TOX2: variants seen among roughly 807,000 people sequenced by gnomAD.
The protein encoded by TOX2 is granulosa cell HMG box 1.
Under a neutral mutation model 47.4 loss-of-function variants are expected in TOX2, and 15 were observed. The ratio of observed to expected loss-of-function variants is 0.32; its 90% CI spans 0.21 to 0.49. TOX2 has a LOEUF of 0.49. Among genes scored for constraint, TOX2 ranks in the 20% least tolerant of loss-of-function variants. The probability of loss-of-function intolerance (pLI) is 0.99; values close to 1 mark genes in which losing one functional copy is unlikely to be tolerated. For synonymous variants in TOX2, 290 were observed against 296.6 expected (o/e 0.98, Z 0.23); for missense variants, 622 against 673.1 (o/e 0.92, Z 0.84).
chr20:44,068,887 A>G lies in TOX2; in HGVS notation c.*201A>G. On this transcript the variant is annotated 3_prime_UTR_variant, in exon 9 of 9. Coordinates refer to ENST00000341197, the MANE Select transcript of TOX2 (RefSeq NM_001098797.2). ...GCAGCCCACTGCCCACCACCAGCCC[A>G]AAGAACCTGCAGGAACCTTCCGCCC... The G allele has an allele frequency of 1.3e-6, 1 of 764,274 alleles. No homozygotes were observed. The highest frequency in any genetic ancestry group is 2.3e-6 in the Non-Finnish European group (1 of 432,356). The allele number at this position is 764,274 out of a possible 1,614,324, so 47.3% of individuals were successfully genotyped here.
At chr20:44,054,644 C>G in intron 5 of TOX2, 118 bp downstream of exon 5, 6 of 1,101,422 alleles carry the variant, frequency 5.4e-6, no homozygotes, top group Non-Finnish European at 8.0e-6. Context: ...TTACAGAGGT[C>G]TTTCCTGGGC....
chr20:44,066,959 G>A, intron 8 of TOX2, 102 bp downstream of exon 8: 1 of 1,481,340 alleles, frequency 6.8e-7, no homozygotes, highest in African/African-American at 1.4e-5. Context: ...GGACAGGGGA[G>A]GACCCTGCAG....
intron 3 of TOX2, among the ~76,000 whole-genome samples, chr20:44,029,849 G>A (rs1280318793): frequency 6.6e-6 from 1 of 152,092 alleles, no homozygotes; most frequent in African/African-American, 2.4e-5. Context: ...GCCTCCCTGT[G>A]ACTATAAAAC....
chr20:44,029,268 C>T (rs2071112072), intron 3 of TOX2, among the ~76,000 whole-genome samples: 1 of 152,222 alleles, frequency 6.6e-6, no homozygotes, highest in Non-Finnish European at 1.5e-5. Flanking sequence ...TTAGTCAAAA[C>T]AAGACGGATA....
intron 1 of TOX2, among the ~76,000 whole-genome samples, chr20:43,966,964 AACACC>A (rs1432847545): frequency 2.4e-4 from 1 of 4,126 alleles, no homozygotes; most frequent in Non-Finnish European, 5.4e-4. Flanking sequence ...CGGACCCACC[AACACC>A]AACATGGGTT....
intron 1 of TOX2, among the ~76,000 whole-genome samples, chr20:43,922,725 G>A (rs1315209616): frequency 6.6e-6 from 1 of 152,178 alleles, no homozygotes; most frequent in African/African-American, 2.4e-5. Flanking sequence ...AAAACTTGCT[G>A]CCGTACAGTT....
chr20:44,015,507 C>T (rs182731159), intron 3 of TOX2, among the ~76,000 whole-genome samples: 38 of 152,282 alleles, frequency 2.5e-4, no homozygotes, highest in African/African-American at 7.9e-4. Context: ...TTCTGGTACT[C>T]GGCTGCAAAA....
intron 3 of TOX2, among the ~76,000 whole-genome samples, chr20:44,039,560 G>A (rs2071299308): frequency 6.6e-6 from 1 of 152,144 alleles, no homozygotes; most frequent in Non-Finnish European, 1.5e-5. Flanking sequence ...ACAAAGGTTT[G>A]GGTGCAAGTA....
At chr20:44,031,412 A>G (rs2071149307) in intron 3 of TOX2, among the ~76,000 whole-genome samples, 1 of 152,184 alleles carries the variant, frequency 6.6e-6, no homozygotes, top group South Asian at 2.1e-4. Flanking sequence ...GGGTGAGCGC[A>G]TTAGTAGCAT....
rs1020635611 is a variant in TOX2, at chr20:44,025,371, G to T, written c.411+18579G>T. 3.5e-4 allele frequency among the ~76,000 whole-genome samples: 52 copies of T among 150,208 alleles called. 1 individual carries two copies. Among genetic ancestry groups the T allele is most frequent in the Non-Finnish European group, 6.5e-4 (44 of 67,696 alleles). On this transcript the variant is annotated intron_variant, in intron 3 of 8. Transcript: ENST00000341197. ...CATTCGTCGTTGGCCAGAGATTGGG[G>T]GATGGAGTGACCTCCTGGGGCTGCA...
At position 44,068,909 on chromosome 20, in the gene TOX2, GC is replaced by G; in HGVS notation, c.*226del. ...CCCAAAGAACCTGCAGGAACCTTCC[GC>G]CCGCTGACCTGCTTGCTCCAGGGTA... On this transcript the variant is annotated 3_prime_UTR_variant, in exon 9 of 9. Transcript: ENST00000341197. 1.4e-6 allele frequency: 1 copy of G among 703,218 alleles called. No homozygotes were observed. The allele number at this position is 703,218 out of a possible 1,614,324, so 43.6% of individuals were successfully genotyped here.
At chr20:43,950,156 T>C (rs1303481144) in intron 1 of TOX2, among the ~76,000 whole-genome samples, 1 of 152,164 alleles carries the variant, frequency 6.6e-6, no homozygotes, top group African/African-American at 2.4e-5. Flanking sequence ...ACATCTGCTC[T>C]GAGCAGAGCA....
chr20:43,977,100 A>C (rs184701465), intron 2 of TOX2, among the ~76,000 whole-genome samples: 2 of 152,326 alleles, frequency 1.3e-5, no homozygotes, highest in East Asian at 3.9e-4. Flanking sequence ...CAGAACATCC[A>C]ATCAATATAT....
intron 1 of TOX2, among the ~76,000 whole-genome samples, chr20:43,923,617 T>G (rs1266838417): frequency 6.6e-6 from 1 of 152,162 alleles, no homozygotes; most frequent in Non-Finnish European, 1.5e-5. Context: ...AGTAGAGATG[T>G]ATTGCTGGCC....
chr20:43,953,144 A>G (rs1036743398), intron 1 of TOX2, among the ~76,000 whole-genome samples: 5 of 152,152 alleles, frequency 3.3e-5, no homozygotes, highest in Non-Finnish European at 5.9e-5. Flanking sequence ...TTTCTCCTAG[A>G]GCCTACAGAC....
chr20:44,013,767 A>G (rs1489866412), intron 3 of TOX2, among the ~76,000 whole-genome samples: 1 of 152,116 alleles, frequency 6.6e-6, no homozygotes, highest in Non-Finnish European at 1.5e-5. Context: ...TTGACATTGC[A>G]GTGCTTGGCC....
intron 1 of TOX2, among the ~76,000 whole-genome samples, chr20:43,967,492 G>A (rs990498488): frequency 1.3e-5 from 2 of 151,896 alleles, no homozygotes; most frequent in Non-Finnish European, 2.9e-5. Flanking sequence ...ACACGTCCAG[G>A]CATCTATCCA....
intron 3 of TOX2, among the ~76,000 whole-genome samples, chr20:44,023,440 A>G (rs2071009316): frequency 6.6e-6 from 1 of 151,706 alleles, no homozygotes; most frequent in Non-Finnish European, 1.5e-5. Context: ...AGAAAAAAAA[A>G]AAAAAAAAAA....
At chr20:43,976,595 G>A (rs1412879463) in intron 2 of TOX2, among the ~76,000 whole-genome samples, 1 of 152,180 alleles carries the variant, frequency 6.6e-6, no homozygotes, top group Non-Finnish European at 1.5e-5. Flanking sequence ...ACTACCACAT[G>A]TAGGAAACAT....
Sources: allele counts gnomAD v4.1 joint callset (sites outside exome capture counted in the v4.1 genomes callset), GRCh38; gene constraint gnomAD v4.1.1; transcripts MANE v1.5; gene names NCBI Gene and HGNC (gene_info 2026-07-23, HGNC 2026-07-21).